The following PLEKHH2 variants were observed in gnomAD, a reference collection of about 807,000 sequenced individuals.
PLEKHH2 encodes pleckstrin homology domain-containing family H member 2.
A neutral mutation model predicts 187.9 loss-of-function variants in PLEKHH2; 129 were observed. That is an observed-to-expected ratio of 0.69 (90% CI 0.59 to 0.79). The LOEUF is 0.79. Among genes scored for constraint, PLEKHH2 ranks in the 30% least tolerant of loss-of-function variants. The pLI, the probability that PLEKHH2 is intolerant of heterozygous loss-of-function variation, is 0.00. For missense variants in PLEKHH2, 2,076 were observed against 1,751.2 expected, an observed-to-expected ratio of 1.19 and a Z score of -3.31; for synonymous variants, 686 against 605.6, an observed-to-expected ratio of 1.13 and a Z score of -1.95.
chr2:43,738,388 T>C lies in PLEKHH2; in HGVS notation c.2991T>C (p.Asp997=). ...CTGCAGTTGACTCTCCTGCAATTGATTACCACATATCTTTAGCCCAGAGTG... is the reference window on the plus strand; with the variant it reads ...CTGCAGTTGACTCTCCTGCAATTGACTACCACATATCTTTAGCCCAGAGTG... ...INAAVDSPAI[D]YHISLAQSAL... The change falls in exon 20 of 30, where the codon GAT becomes GAC. Residue 997 remains aspartate (D), a synonymous_variant. Coordinates refer to ENST00000282406, the MANE Select transcript of PLEKHH2 (RefSeq NM_172069.4). 1 of 1,613,328 alleles carries C rather than the reference T, an allele frequency of 6.2e-7. No individual in the cohort carries two copies. Among genetic ancestry groups the C allele is most frequent in the Non-Finnish European group, 8.5e-7 (1 of 1,179,498 alleles).
Position 43,757,243 on chromosome 2 carries a change from G to A in PLEKHH2, c.3920G>A (p.Gly1307Asp). The change falls in exon 26 of 30, where the codon GGC becomes GAC. Residue 1307 changes from glycine (G) to aspartate (D), a missense_variant. By Grantham distance (94) the Gly-to-Asp change is moderately conservative. Coordinates refer to ENST00000282406, the MANE Select transcript of PLEKHH2 (RefSeq NM_172069.4). The part of the protein sequence containing the change: ...EKFYPKRYRD[G>D]CSEEQLRQLC... ...TTTTATCCTAAAAGGTATAGAGATG[G>A]CTGTTCTGAAGAGCAGTTAAGGTAA... 1 of 1,584,666 alleles carries A rather than the reference G, an allele frequency of 6.3e-7. No homozygotes were observed. Among genetic ancestry groups the A allele is most frequent in the Non-Finnish European group, 8.6e-7 (1 of 1,168,196 alleles).
At chr2:43,737,049 T>G (rs1339098644) in intron 19 of PLEKHH2, among the ~76,000 whole-genome samples, 23 of 152,140 alleles carry the variant, frequency 1.5e-4, no homozygotes, top group Admixed American at 1.4e-3. Flanking sequence ...TTTGATACAT[T>G]GGACATCAAA....
intron 10 of PLEKHH2, among the ~76,000 whole-genome samples, chr2:43,706,919 T>G (rs905268379): frequency 1.1e-4 from 17 of 152,238 alleles, no homozygotes; most frequent in Non-Finnish European, 2.4e-4. Context: ...ATATGCTGGC[T>G]GGGCACGGTG....
At chr2:43,671,330 G>C (rs1044225816) in intron 2 of PLEKHH2, among the ~76,000 whole-genome samples, 6 of 152,036 alleles carry the variant, frequency 3.9e-5, no homozygotes, top group African/African-American at 1.4e-4. Flanking sequence ...TTTGTATATT[G>C]ACCTTGTATC....
chr2:43,723,836 C>A (rs867843718), intron 16 of PLEKHH2, among the ~76,000 whole-genome samples: 57 of 152,212 alleles, frequency 3.7e-4, no homozygotes, highest in South Asian at 2.9e-3. Flanking sequence ...CTAACAGGCA[C>A]ACGCCGACTG....
At chr2:43,729,986 G>A (rs1259406070) in intron 18 of PLEKHH2, among the ~76,000 whole-genome samples, 1 of 151,986 alleles carries the variant, frequency 6.6e-6, no homozygotes, top group Non-Finnish European at 1.5e-5. Context: ...CTGCTCCTCT[G>A]CTTGGAATGC....
chr2:43,708,835 ACT>A (rs1238540781), intron 11 of PLEKHH2, among the ~76,000 whole-genome samples: 1 of 152,156 alleles, frequency 6.6e-6, no homozygotes, highest in Non-Finnish European at 1.5e-5. Context: ...CATGACAATC[ACT>A]GAGGTCCCTA....
chr2:43,738,510 G>A lies in PLEKHH2; in HGVS notation c.3113G>A (p.Gly1038Glu), dbSNP rs1671406880. Residue 1038 changes from glycine to glutamate, a missense_variant, in exon 20 of 30, where the codon GGA becomes GAA. Gly to Glu is a moderately conservative substitution (Grantham distance 98). Transcript: ENST00000282406. ...TRRRQPQNQP[G>E]PLQGWQLLAL... is the part of the protein sequence containing the mutation. ...CGAAGACAGCCACAGAATCAACCAG[G>A]ACCATTGCAGGTAGATATTAATATT... 6.2e-7 allele frequency: 1 copy of A among 1,607,328 alleles called. No individual in the cohort carries two copies.
chr2:43,759,044 G>T lies in PLEKHH2; in HGVS notation c.4071+15G>T. ...TTCTTGCAAAAGTAAGAAAGAATGG[G>T]AGAGAGATGCATAATGAAAACCTTT... is the stretch of plus-strand genomic sequence containing the variant. On this transcript the variant is annotated intron_variant, in intron 27 of 29. Transcript: ENST00000282406. The T allele has an allele frequency of 1.2e-6, 2 of 1,607,242 alleles. No individual in the cohort carries two copies. The highest frequency in any genetic ancestry group is 1.7e-6 in the Non-Finnish European group (2 of 1,174,742).
intron 24 of PLEKHH2, 60 bp downstream of exon 24, chr2:43,746,023 C>T: frequency 9.3e-7 from 1 of 1,079,336 alleles, no homozygotes; most frequent in Admixed American, 2.4e-5. Context: ...TAATAATGCA[C>T]CTACTATTTA....
At chr2:43,652,054 T>C (rs1336704253) in intron 2 of PLEKHH2, among the ~76,000 whole-genome samples, 1 of 152,204 alleles carries the variant, frequency 6.6e-6, no homozygotes, top group Non-Finnish European at 1.5e-5. Context: ...CAGTCAATCT[T>C]TTCTTTAGTG....
intron 23 of PLEKHH2, among the ~76,000 whole-genome samples, chr2:43,744,867 CAAAAAAA>C (rs774106764): frequency 4.8e-4 from 40 of 82,788 alleles, no homozygotes; most frequent in South Asian, 2.7e-3. Flanking sequence ...GACTGTCTCA[CAAAAAAA>C]AAAAAAAAAA....
At chr2:43,687,616 G>C (rs113157672) in intron 3 of PLEKHH2, among the ~76,000 whole-genome samples, 1 of 152,236 alleles carries the variant, frequency 6.6e-6, no homozygotes, top group African/African-American at 2.4e-5. Flanking sequence ...CAGTGTATAA[G>C]TGTTCCCATT....
chr2:43,694,619 G>A lies in PLEKHH2; in HGVS notation c.420+105G>A, dbSNP rs149278248. The stretch of plus-strand genomic sequence containing the variant: ...CTGAGTAAAACAAAGAATTTTGATC[G>A]GTTGGTGATACTGCTATCTTTTGAT... On this transcript the variant is annotated intron_variant, in intron 5 of 29. Coordinates refer to ENST00000282406, the MANE Select transcript of PLEKHH2 (RefSeq NM_172069.4). 6.6e-4 allele frequency: 795 copies of A among 1,211,842 alleles called. 5 individuals are homozygous for A. In the African/African-American group the frequency reaches 0.012, roughly 18 times the overall value. 75.1% of individuals were successfully genotyped at this position (1,211,842 alleles called of 1,614,324 possible). A position where few individuals can be genotyped will look rare whatever the true frequency, so the allele number is the denominator to read the frequency against.
Position 43,706,416 on chromosome 2 carries a change from G to T in PLEKHH2, c.1821G>T (p.Gly607=), listed in dbSNP as rs1669659500. ...MTTPVYTTLK[G]KATQISSSPF... ...CCCCAGTGTATACAACTTTGAAGGG[G>T]GTAACTCATTATTGTTATTGTTAAA... Residue 607 remains glycine, a splice_region_variant and synonymous_variant, in exon 10 of 30, where the codon GGG becomes GGT. Transcript: ENST00000282406. 1.9e-6 allele frequency: 3 copies of T among 1,556,720 alleles called. No homozygotes were observed. Among genetic ancestry groups the T allele is most frequent in the Non-Finnish European group, 2.6e-6 (3 of 1,132,746 alleles).
At chr2:43,672,625 CCTCT>C (rs1321563181) in intron 2 of PLEKHH2, among the ~76,000 whole-genome samples, 1 of 152,192 alleles carries the variant, frequency 6.6e-6, no homozygotes, top group Non-Finnish European at 1.5e-5. Flanking sequence ...TCATATATAG[CCTCT>C]CTAATTTCAC....
At chr2:43,704,386 G>A (rs535780450) in intron 9 of PLEKHH2, among the ~76,000 whole-genome samples, 1 of 152,252 alleles carries the variant, frequency 6.6e-6, no homozygotes, top group East Asian at 1.9e-4. Flanking sequence ...GATGGGCCGG[G>A]CACGGTGGCT....
chr2:43,640,480 C>T (rs1665845469), intron 1 of PLEKHH2, among the ~76,000 whole-genome samples: 2 of 152,192 alleles, frequency 1.3e-5, no homozygotes, highest in Admixed American at 1.3e-4. Context: ...AGGCGTGAGC[C>T]ACCATGCTGG....
chr2:43,677,831 A>ACC (rs1268272260), intron 2 of PLEKHH2, among the ~76,000 whole-genome samples: 148 of 124,592 alleles, frequency 1.2e-3, no homozygotes, highest in East Asian at 7.3e-3. Flanking sequence ...CGGGGGGCTG[A>ACC]CCCCCCCCCA....
Sources: gnomAD v4.1 joint callset for allele counts (sites outside exome capture counted in the v4.1 genomes callset) on GRCh38, gnomAD v4.1.1 for gene constraint, MANE v1.5 for transcripts, NCBI Gene and HGNC (gene_info 2026-07-23, HGNC 2026-07-21) for gene names.